UBE2Q2: variants seen among roughly 807,000 people sequenced by gnomAD.
UBE2Q2 encodes ubiquitin-conjugating enzyme E2 Q2.
Under a neutral mutation model 59.9 loss-of-function variants are expected in UBE2Q2, and 54 were observed. The observed-to-expected ratio is 0.90, with a 90% CI of 0.72 to 1.13. UBE2Q2 has a LOEUF of 1.13. UBE2Q2 is among the 50% of genes most tolerant of loss of function. The pLI is 0.00. For synonymous variants in UBE2Q2, 165 were observed against 155.2 expected (o/e 1.06, Z -0.47); for missense variants, 433 against 441.9 (o/e 0.98, Z 0.18).
intron 11 of UBE2Q2, among the ~76,000 whole-genome samples, chr15:75,896,407 C>T (rs16967626): frequency 0.12 from 18,340 of 151,926 alleles, 1,119 homozygotes; most frequent in Middle Eastern, 0.14. Context: ...TAATTCGAAG[C>T]GAAGATATAG....
chr15:75,863,469 G>A (rs1485492231), intron 3 of UBE2Q2, among the ~76,000 whole-genome samples: 2 of 149,042 alleles, frequency 1.3e-5, no homozygotes, highest in African/African-American at 2.5e-5. Flanking sequence ...TTTTTTTGAC[G>A]GAGTCTCTCT....
intron 3 of UBE2Q2, among the ~76,000 whole-genome samples, chr15:75,862,345 A>G (rs1897242176): frequency 6.7e-6 from 1 of 148,784 alleles, no homozygotes; most frequent in African/African-American, 2.5e-5. Context: ...TTAAGGAGCT[A>G]TTTTGATACT....
intron 6 of UBE2Q2, 81 bp downstream of exon 6, chr15:75,876,352 A>G (rs527597792): frequency 1.4e-5 from 17 of 1,250,270 alleles, no homozygotes; most frequent in Non-Finnish European, 1.9e-5. Context: ...ATTTCTTAAA[A>G]CTGGACAGAA....
At chr15:75,862,087 G>C (rs968020592) in intron 3 of UBE2Q2, among the ~76,000 whole-genome samples, 17 of 152,174 alleles carry the variant, frequency 1.1e-4, no homozygotes, top group African/African-American at 3.9e-4. Flanking sequence ...GGAGCTGCCA[G>C]GTGTTCTTAA....
chr15:75,891,872 C>G (rs143722918), intron 11 of UBE2Q2, among the ~76,000 whole-genome samples: 78 of 152,288 alleles, frequency 5.1e-4, no homozygotes, highest in African/African-American at 1.9e-3. Flanking sequence ...AGCTTCCATT[C>G]ACTATGGAGG....
At chr15:75,888,127 G>A (rs1001046295) in intron 9 of UBE2Q2, among the ~76,000 whole-genome samples, 4 of 152,162 alleles carry the variant, frequency 2.6e-5, no homozygotes, top group African/African-American at 9.7e-5. Flanking sequence ...ACGCTTCGAA[G>A]TGTACAATTT....
chr15:75,873,645 A>G (rs1315365750), intron 5 of UBE2Q2, 77 bp downstream of exon 5: 2 of 1,478,040 alleles, frequency 1.4e-6, no homozygotes, highest in African/African-American at 1.4e-5. Context: ...ATTCATTAAC[A>G]TGCCCATCTC....
At position 75,879,079 on chromosome 15, in the gene UBE2Q2, TTTG is replaced by T. The variant is rs1567034937; in HGVS notation, c.735-16_735-14del. Reference sequence around the variant, plus strand: ...CTCTAACTTTTTATTTGAACTGTTTTTTGTTTTGTAATTCTTAGGGTTGACCCT... The same window carrying T: ...CTCTAACTTTTTATTTGAACTGTTTTTTTTGTAATTCTTAGGGTTGACCCT... On this transcript the variant is annotated splice_polypyrimidine_tract_variant and intron_variant, in intron 7 of 12. Transcript: ENST00000267938. The T allele has an allele frequency of 3.9e-6, 6 of 1,528,224 alleles. No homozygotes were observed. Among genetic ancestry groups the T allele is most frequent in the Non-Finnish European group, 5.3e-6 (6 of 1,137,998 alleles). 94.7% of individuals were successfully genotyped at this position (1,528,224 alleles called of 1,614,324 possible). A position where few individuals can be genotyped will look rare whatever the true frequency, so the allele number is the denominator to read the frequency against.
chr15:75,848,373 A>T (rs1896464340), intron 1 of UBE2Q2, among the ~76,000 whole-genome samples: 1 of 152,200 alleles, frequency 6.6e-6, no homozygotes, highest in South Asian at 2.1e-4. Context: ...GGAGCCTAAG[A>T]CTTTTCTCTT....
intron 12 of UBE2Q2, among the ~76,000 whole-genome samples, chr15:75,898,952 C>T (rs754691885): frequency 1.3e-5 from 2 of 151,748 alleles, no homozygotes; most frequent in Non-Finnish European, 2.9e-5. Context: ...GTTCCCAATC[C>T]AAGTGTAAGT....
intron 2 of UBE2Q2, among the ~76,000 whole-genome samples, chr15:75,857,860 C>A (rs1366642873): frequency 6.6e-6 from 1 of 151,174 alleles, no homozygotes; most frequent in Non-Finnish European, 1.5e-5. Flanking sequence ...TATAATTGGC[C>A]CCTTTAGTAT....
chr15:75,858,323 G>A (rs1036231637), intron 2 of UBE2Q2, among the ~76,000 whole-genome samples: 3 of 152,006 alleles, frequency 2.0e-5, no homozygotes, highest in Non-Finnish European at 2.9e-5. Flanking sequence ...TTAAATTTGC[G>A]TTTACCCACC....
At chr15:75,869,148 C>G in intron 4 of UBE2Q2, 138 bp downstream of exon 4, 1 of 723,838 alleles carries the variant, frequency 1.4e-6, no homozygotes, top group Admixed American at 2.9e-5. Flanking sequence ...AATATAATTT[C>G]CCAACTCTGG....
chr15:75,896,896 C>T, intron 11 of UBE2Q2, 99 bp from the exon 12 acceptor site: 1 of 620,998 alleles, frequency 1.6e-6, no homozygotes, highest in Non-Finnish European at 2.7e-6. Context: ...TAGTCAGTTT[C>T]CCATGTTCTT....
intron 7 of UBE2Q2, 88 bp downstream of exon 7, chr15:75,878,109 A>G (rs1898188299): frequency 1.8e-6 from 2 of 1,106,870 alleles, no homozygotes; most frequent in East Asian, 5.0e-5. Flanking sequence ...ATACCTTTAT[A>G]CTATGGCTTT....
intron 2 of UBE2Q2, among the ~76,000 whole-genome samples, chr15:75,856,234 T>TATAC (rs1401650629): frequency 1.2e-4 from 16 of 137,112 alleles, no homozygotes; most frequent in African/African-American, 4.4e-4. Flanking sequence ...TGTATGTGTA[T>TATAC]ATGTGTATAT....
At chr15:75,870,681 A>G (rs1388240508) in intron 4 of UBE2Q2, among the ~76,000 whole-genome samples, 1 of 152,208 alleles carries the variant, frequency 6.6e-6, no homozygotes. Flanking sequence ...CTAAAATAAT[A>G]TGGGAACAGG....
At chr15:75,860,813 TAC>T (rs1897170198) in intron 3 of UBE2Q2, among the ~76,000 whole-genome samples, 1 of 152,220 alleles carries the variant, frequency 6.6e-6, no homozygotes, top group Non-Finnish European at 1.5e-5. Context: ...TCTGCTCTCC[TAC>T]AGTAGATCCA....
intron 2 of UBE2Q2, 146 bp downstream of exon 2, chr15:75,854,633 T>G: frequency 3.8e-6 from 2 of 528,814 alleles, no homozygotes; most frequent in Non-Finnish European, 6.4e-6. Flanking sequence ...TTTTTTTTCC[T>G]TCAAATTCTA....
Sources: allele counts gnomAD v4.1 joint callset (sites outside exome capture counted in the v4.1 genomes callset), GRCh38; gene constraint gnomAD v4.1.1; transcripts MANE v1.5; gene names NCBI Gene and HGNC (gene_info 2026-07-23, HGNC 2026-07-21).